NIM1K: variants seen among roughly 807,000 people sequenced by gnomAD.
NIM1K encodes serine/threonine-protein kinase NIM1.
Under a neutral mutation model 37.1 loss-of-function variants are expected in NIM1K, and 35 were observed. The observed-to-expected ratio is 0.94, with a 90% CI of 0.72 to 1.25. The LOEUF is 1.25. Ranked by LOEUF, NIM1K falls within the 50% of genes most tolerant of loss-of-function variation. The pLI is 0.00. For missense variants in NIM1K, 564 were observed against 548.0 expected, an observed-to-expected ratio of 1.03 and a Z score of -0.29; for synonymous variants, 234 against 206.6, an observed-to-expected ratio of 1.13 and a Z score of -1.14.
chr5:43,249,319 C>T (rs1190262458), intron 2 of NIM1K, among the ~76,000 whole-genome samples: 3 of 152,040 alleles, frequency 2.0e-5, no homozygotes, highest in South Asian at 2.1e-4. Context: ...TCCGCTACCT[C>T]GGCCTCCCAA....
chr5:43,247,653 C>A (rs1294401626), intron 2 of NIM1K, among the ~76,000 whole-genome samples: 1 of 152,222 alleles, frequency 6.6e-6, no homozygotes, highest in Non-Finnish European at 1.5e-5. Context: ...TATTTGAAAA[C>A]TCTCCAGGTG....
rs1169072314 is a variant in NIM1K at position 43,261,355 on chromosome 5, C to T, written c.292+15288C>T. Among the ~76,000 whole-genome samples the T allele has an allele frequency of 9.2e-5, 14 of 152,234 alleles. 1 individual carries two copies. Among genetic ancestry groups the T allele is most frequent in the Admixed American group, 2.6e-4 (4 of 15,294 alleles). On this transcript the variant is annotated intron_variant, in intron 2 of 3. Coordinates refer to ENST00000326035, the MANE Select transcript of NIM1K (RefSeq NM_153361.4). ...GTTTTGATTTGCATTTCTCTGATGGCCAGTGATGATGAGCATTTTTTCATG... is the reference window on the plus strand; with the variant it reads ...GTTTTGATTTGCATTTCTCTGATGGTCAGTGATGATGAGCATTTTTTCATG...
At chr5:43,272,117 A>T (rs192957404) in intron 2 of NIM1K, among the ~76,000 whole-genome samples, 2 of 152,224 alleles carry the variant, frequency 1.3e-5, no homozygotes, top group African/African-American at 4.8e-5. Context: ...TCAATAAAGC[A>T]ACTAATGATG....
At chr5:43,248,557 G>A (rs922678027) in intron 2 of NIM1K, among the ~76,000 whole-genome samples, 6 of 152,110 alleles carry the variant, frequency 3.9e-5, no homozygotes, top group African/African-American at 1.2e-4. Flanking sequence ...CCAAAGAGAA[G>A]AATCTGGAGG....
chr5:43,215,171 A>G (rs760388082), intron 1 of NIM1K, among the ~76,000 whole-genome samples: 1 of 152,222 alleles, frequency 6.6e-6, no homozygotes, highest in African/African-American at 2.4e-5. Context: ...TACCGGGTCA[A>G]TTAGCAAGTA....
rs116574412 is a variant in NIM1K, at chr5:43,254,218, G to A, written c.292+8151G>A. 5.3e-3 allele frequency among the ~76,000 whole-genome samples: 802 copies of A among 152,262 alleles called. 3 individuals are homozygous for A. The highest frequency in any genetic ancestry group is 0.013 in the African/African-American group (537 of 41,544). On this transcript the variant is annotated intron_variant, in intron 2 of 3. Coordinates refer to ENST00000326035, the MANE Select transcript of NIM1K (RefSeq NM_153361.4). ...TCAATGGTATGGGTGAGAGCAGGAC[G>A]GGACATGGGAGAGGAAGAATTGACG...
intron 1 of NIM1K, among the ~76,000 whole-genome samples, chr5:43,208,544 G>A (rs1209550650): frequency 1.3e-5 from 2 of 152,118 alleles, no homozygotes; most frequent in East Asian, 3.9e-4. Flanking sequence ...GGAGGTTGCA[G>A]TGAGCCGAGA....
At chr5:43,211,718 T>C (rs1752207935) in intron 1 of NIM1K, among the ~76,000 whole-genome samples, 1 of 152,226 alleles carries the variant, frequency 6.6e-6, no homozygotes, top group Non-Finnish European at 1.5e-5. Context: ...AGGAGCTTTC[T>C]AGACCATGCA....
At chr5:43,270,821 G>T (rs546834098) in intron 2 of NIM1K, among the ~76,000 whole-genome samples, 1 of 152,284 alleles carries the variant, frequency 6.6e-6, no homozygotes, top group South Asian at 2.1e-4. Flanking sequence ...CCGAAGGCAT[G>T]ATAACATTAA....
At chr5:43,195,480 A>G (rs531229832) in intron 1 of NIM1K, among the ~76,000 whole-genome samples, 1 of 152,196 alleles carries the variant, frequency 6.6e-6, no homozygotes, top group African/African-American at 2.4e-5. Context: ...CAACATGGTG[A>G]GACCTTGTCT....
At position 43,280,706 on chromosome 5, in the gene NIM1K, T is replaced by C. The variant is rs761097211; in HGVS notation, c.1288T>C (p.Ser430Pro). 1.3e-6 allele frequency: 2 copies of C among 1,596,646 alleles called. No homozygotes were observed. The highest frequency in any genetic ancestry group is 1.7e-4 in the Middle Eastern group (1 of 5,938). ...TGTCTACAGAGGGATAAGACACACATCCAAATTTTGCTCGATTTTATAAAT... is the reference window on the plus strand; with the variant it reads ...TGTCTACAGAGGGATAAGACACACACCCAAATTTTGCTCGATTTTATAAAT... ...SRVYRGIRHT[S>P]KFCSIL Residue 430 changes from serine (S) to proline (P), a missense_variant, in exon 4 of 4, where the codon TCC becomes CCC. Transcript: ENST00000326035.
intron 1 of NIM1K, chr5:43,232,057 G>A (rs551571690): frequency 3.9e-6 from 4 of 1,031,234 alleles, no homozygotes; most frequent in Non-Finnish European, 5.9e-6. Flanking sequence ...AGCTCTCTGT[G>A]TCTTGACCAG....
chr5:43,277,483 T>C (rs1753363458), intron 3 of NIM1K, among the ~76,000 whole-genome samples, 158 bp downstream of exon 3: 1 of 152,126 alleles, frequency 6.6e-6, no homozygotes, highest in South Asian at 2.1e-4. Context: ...GGGATCATGC[T>C]CCTTGCCTGT....
At chr5:43,267,526 C>T (rs775737874) in intron 2 of NIM1K, among the ~76,000 whole-genome samples, 1 of 152,010 alleles carries the variant, frequency 6.6e-6, no homozygotes, top group Non-Finnish European at 1.5e-5. Context: ...TCTTTAGCTC[C>T]TTGAGGTGCG....
chr5:43,202,769 C>T (rs866691238), intron 1 of NIM1K, among the ~76,000 whole-genome samples: 1 of 126,990 alleles, frequency 7.9e-6, no homozygotes, highest in Non-Finnish European at 1.8e-5. Flanking sequence ...TGTGCTGGAA[C>T]GGTCAGAAGG....
chr5:43,267,514 T>C (rs189234205), intron 2 of NIM1K, among the ~76,000 whole-genome samples: 1 of 152,324 alleles, frequency 6.6e-6, no homozygotes, highest in South Asian at 2.1e-4. Context: ...TTTGTTCCTG[T>C]TTCTTTAGCT....
At chr5:43,269,959 G>A (rs2111557400) in intron 2 of NIM1K, among the ~76,000 whole-genome samples, 1 of 152,208 alleles carries the variant, frequency 6.6e-6, no homozygotes, top group African/African-American at 2.4e-5. Flanking sequence ...TGAGTTTTAT[G>A]CTTTCAAGAG....
intron 2 of NIM1K, among the ~76,000 whole-genome samples, chr5:43,253,199 T>TATA (rs1752891926): frequency 9.5e-6 from 1 of 105,718 alleles, no homozygotes; most frequent in Non-Finnish European, 1.8e-5. Flanking sequence ...TAATATAATA[T>TATA]ATAATATAAT....
At chr5:43,262,554 C>A (rs992328205) in intron 2 of NIM1K, among the ~76,000 whole-genome samples, 3 of 152,164 alleles carry the variant, frequency 2.0e-5, no homozygotes, top group African/African-American at 7.2e-5. Context: ...CATTTGCAAA[C>A]AGGGACAATT....
Sources: gnomAD v4.1 joint callset for allele counts (sites outside exome capture counted in the v4.1 genomes callset) on GRCh38, gnomAD v4.1.1 for gene constraint, MANE v1.5 for transcripts, NCBI Gene and HGNC (gene_info 2026-07-23, HGNC 2026-07-21) for gene names.